LARGE1: variants seen among roughly 807,000 people sequenced by gnomAD.
LARGE1 encodes the protein LARGE xylosyl- and glucuronyltransferase 1.
A neutral mutation model predicts 87.6 loss-of-function variants in LARGE1; 43 were observed. The ratio of observed to expected loss-of-function variants is 0.49; its 90% CI spans 0.38 to 0.63. LARGE1 has a LOEUF of 0.63. LARGE1 is among the 30% of genes least tolerant of loss of function. LARGE1 has a pLI of 0.00. For synonymous variants in LARGE1, 434 were observed against 394.6 expected (o/e 1.10, Z -1.18); for missense variants, 802 against 1,000.2 (o/e 0.80, Z 2.67).
In LARGE1 at chr22:33,651,225, C is replaced by CAAAA. The variant is rs71187275; in HGVS notation, c.107-561_107-558dup. 5.3e-4 allele frequency among the ~76,000 whole-genome samples: 30 copies of CAAAA among 56,582 alleles called. 4 individuals carry two copies. Among genetic ancestry groups the CAAAA allele is most frequent in the South Asian group, 7.6e-4 (1 of 1,312 alleles). 37.1% of individuals were successfully genotyped at this position (56,582 alleles called of 152,430 possible). On this transcript the variant is annotated intron_variant, in intron 2 of 14. Transcript: ENST00000397394. ...TGAAACCCGGTCTCTACTAAAAATA[C>CAAAA]AAAAAAAAAAAAAAAAATTAGCCGG...
At chr22:33,497,835 C>T (rs541766949) in intron 6 of LARGE1, among the ~76,000 whole-genome samples, 1 of 152,270 alleles carries the variant, frequency 6.6e-6, no homozygotes, top group South Asian at 2.1e-4. Flanking sequence ...AGTTCATCTA[C>T]ACTGTACAAA....
intron 11 of LARGE1, among the ~76,000 whole-genome samples, chr22:33,208,306 G>C (rs1924784605): frequency 6.6e-6 from 1 of 152,164 alleles, no homozygotes; most frequent in Non-Finnish European, 1.5e-5. Context: ...TCTCTTCCAA[G>C]AAACTAAGAA....
At position 33,766,913 on chromosome 22, in the gene LARGE1, CATATATAT is replaced by C. The variant is rs34406131; in HGVS notation, c.-82-5363_-82-5356del. Among the ~76,000 whole-genome samples the C allele has an allele frequency of 5.0e-3, 555 of 111,130 alleles. 2 individuals are homozygous for C. The highest frequency in any genetic ancestry group is 6.1e-3 in the African/African-American group (170 of 28,008). 72.9% of individuals were successfully genotyped at this position (111,130 alleles called of 152,430 possible). On this transcript the variant is annotated intron_variant, in intron 1 of 14. Coordinates refer to ENST00000397394, the MANE Select transcript of LARGE1 (RefSeq NM_133642.5). ...AGAATATGACTAATTTAAACATATA[CATATATAT>C]ATATATATATATATATATATATATA...
chr22:33,285,582 C>T (rs141836660), intron 12 of LARGE1, among the ~76,000 whole-genome samples: 347 of 152,224 alleles, frequency 2.3e-3, no homozygotes, highest in African/African-American at 8.3e-3. Flanking sequence ...TGAGATCACG[C>T]CACTGTGTTC....
intron 1 of LARGE1, among the ~76,000 whole-genome samples, chr22:33,875,796 C>T (rs1389839839): frequency 6.6e-6 from 1 of 152,160 alleles, no homozygotes; most frequent in Non-Finnish European, 1.5e-5. Context: ...CAATGAGAAG[C>T]CTGCCTGTCC....
intron 9 of LARGE1, among the ~76,000 whole-genome samples, chr22:33,343,929 C>G (rs1939446066): frequency 1.3e-5 from 2 of 152,282 alleles, no homozygotes; most frequent in South Asian, 4.1e-4. Context: ...AGCTGAGGAG[C>G]AAAGAGAGCC....
At chr22:33,161,710 T>G (rs950883277), downstream of LARGE1, among the ~76,000 whole-genome samples, 24 of 152,214 alleles carry the variant, frequency 1.6e-4, no homozygotes, top group African/African-American at 5.5e-4. Context: ...AGGTGGGCTT[T>G]CACAGCCTTG....
the LARGE1 span, among the ~76,000 whole-genome samples, chr22:33,122,107 A>C: frequency 6.6e-6 from 1 of 152,180 alleles, no homozygotes; most frequent in Non-Finnish European, 1.5e-5. Context: ...TGTTTCTGTC[A>C]GAGGATTTTA....
intron 6 of LARGE1, among the ~76,000 whole-genome samples, chr22:33,439,712 T>A (rs994942945): frequency 3.9e-5 from 6 of 152,224 alleles, no homozygotes; most frequent in African/African-American, 1.2e-4. Context: ...AATCTATGTA[T>A]CAGCCCACCA....
intron 7 of LARGE1, among the ~76,000 whole-genome samples, chr22:33,420,642 AC>A (rs1276914588): frequency 6.6e-6 from 1 of 152,110 alleles, no homozygotes; most frequent in Non-Finnish European, 1.5e-5. Context: ...CCCCACAATA[AC>A]CAGTAACCTC....
chr22:33,861,885 A>G (rs2063936437), intron 1 of LARGE1, among the ~76,000 whole-genome samples: 1 of 105,378 alleles, frequency 9.5e-6, no homozygotes, highest in Non-Finnish European at 1.9e-5. Flanking sequence ...TTTTTTTGAG[A>G]CAAGGTCTCA....
chr22:33,228,798 T>G (rs74905162), intron 11 of LARGE1, among the ~76,000 whole-genome samples: 3,258 of 152,082 alleles, frequency 0.021, 118 homozygotes, highest in African/African-American at 0.073. Context: ...GGCTGGGAAT[T>G]TTACAACCAC....
rs189068395 is a variant in LARGE1, at chr22:33,890,594, C to G, written c.-83+29401G>C. Reference sequence around the variant, plus strand: ...GAGTCTGAGTCAAGTTGAGAATCATCAAGAAATTGTTTCAAAAACCAAGAA... The same window carrying G: ...GAGTCTGAGTCAAGTTGAGAATCATGAAGAAATTGTTTCAAAAACCAAGAA... On this transcript the variant is annotated intron_variant, in intron 1 of 14. Coordinates refer to ENST00000397394, the MANE Select transcript of LARGE1 (RefSeq NM_133642.5). Among the ~76,000 whole-genome samples, 113 of 152,224 alleles carry G rather than the reference C, an allele frequency of 7.4e-4. 1 individual carries two copies. The highest frequency in any genetic ancestry group is 1.1e-3 in the Non-Finnish European group (78 of 68,014).
At chr22:33,652,112 G>T (rs530718898) in intron 2 of LARGE1, among the ~76,000 whole-genome samples, 2 of 152,106 alleles carry the variant, frequency 1.3e-5, no homozygotes, top group Non-Finnish European at 2.9e-5. Context: ...GGAGGCAGGG[G>T]TTGCAGTAAG....
intron 11 of LARGE1, among the ~76,000 whole-genome samples, chr22:33,242,524 G>A (rs528838932): frequency 6.6e-6 from 1 of 152,128 alleles, no homozygotes; most frequent in African/African-American, 2.4e-5. Flanking sequence ...ATATGGACAC[G>A]ATCTCAGCAC....
intron 5 of LARGE1, among the ~76,000 whole-genome samples, chr22:33,600,624 C>T (rs867725488): frequency 3.8e-4 from 49 of 127,532 alleles, no homozygotes; most frequent in African/African-American, 1.5e-3. Context: ...ATAAATAGAA[C>T]GCTCTGGTGG....
chr22:33,393,745 G>A (rs1035794324), intron 7 of LARGE1, among the ~76,000 whole-genome samples: 47 of 152,270 alleles, frequency 3.1e-4, no homozygotes, highest in African/African-American at 1.1e-3. Context: ...GCTCTGCACA[G>A]AGGCAACATG....
chr22:33,649,026 CT>C (rs1291614790), intron 3 of LARGE1, among the ~76,000 whole-genome samples: 1 of 152,194 alleles, frequency 6.6e-6, no homozygotes, highest in African/African-American at 2.4e-5. Flanking sequence ...GAAGGACCAA[CT>C]TGTGACATCC....
chr22:33,785,991 A>T (rs896995128), intron 1 of LARGE1, among the ~76,000 whole-genome samples: 7 of 152,210 alleles, frequency 4.6e-5, no homozygotes, highest in Admixed American at 3.9e-4. Context: ...TAAAATGCAC[A>T]GTACCAGAAG....
Sources: gnomAD v4.1 joint callset for allele counts (sites outside exome capture counted in the v4.1 genomes callset) on GRCh38, gnomAD v4.1.1 for gene constraint, MANE v1.5 for transcripts, NCBI Gene and HGNC (gene_info 2026-07-23, HGNC 2026-07-21) for gene names.